The following AP4B1 variants were observed in gnomAD, a reference collection of about 807,000 sequenced individuals.
The protein encoded by AP4B1 is AP-4 complex subunit beta-1.
A neutral mutation model predicts 76.5 loss-of-function variants in AP4B1; 49 were observed. That is an observed-to-expected ratio of 0.64 (90% CI 0.51 to 0.81). AP4B1 has a LOEUF of 0.81. Among genes scored for constraint, AP4B1 ranks in the 40% least tolerant of loss-of-function variants. The pLI is 0.00. For missense variants in AP4B1, 911 were observed against 904.9 expected (o/e 1.01, Z -0.09); for synonymous variants, 330 against 333.3 (o/e 0.99, Z 0.11).
rs1222651089 is a variant in AP4B1, at chr1:113,895,914, C to T, written c.1635G>A (p.Leu545=). Residue 545 remains leucine, a synonymous_variant, in exon 9 of 10, where the codon TTG becomes TTA. Coordinates refer to ENST00000369569, the MANE Select transcript of AP4B1 (RefSeq NM_001253852.3). Reference sequence around the variant, plus strand: ...TCACAGGTCTTTCTGCCGGATCCTCCAAAAGTCCAAGAGTAGGGTCAGATT... The same window carrying T: ...TCACAGGTCTTTCTGCCGGATCCTCTAAAAGTCCAAGAGTAGGGTCAGATT... ...SPKSDPTLGL[L]EDPAERPVNS... 4 of 1,614,154 alleles carry T rather than the reference C, an allele frequency of 2.5e-6. No individual in the cohort carries two copies. Among genetic ancestry groups the T allele is most frequent in the Admixed American group, 3.3e-5 (2 of 60,022 alleles).
intron 5 of AP4B1, chr1:113,899,026 T>C (rs1010595196): frequency 4.5e-5 from 53 of 1,186,734 alleles, no homozygotes; most frequent in Non-Finnish European, 5.8e-5. Context: ...TGAAAGCTCA[T>C]AGCAAAACAA....
chr1:113,901,516 G>T, intron 3 of AP4B1, 133 bp from the exon 4 acceptor site: 3 of 1,214,502 alleles, frequency 2.5e-6, no homozygotes, highest in Non-Finnish European at 3.5e-6. Context: ...ACACTAAAGT[G>T]CAAGGCAAAA....
intron 7 of AP4B1, chr1:113,896,800 T>C: frequency 2.7e-6 from 1 of 374,262 alleles, no homozygotes; most frequent in Non-Finnish European, 4.9e-6. Flanking sequence ...TTCACAAAAA[T>C]GGTTACTAAC....
At chr1:113,900,750 T>C (rs754344247) in intron 4 of AP4B1, 72 of 307,858 alleles carry the variant, frequency 2.3e-4, no homozygotes, top group Non-Finnish European at 3.9e-4. Context: ...TCTATTTCCC[T>C]ATATCAATAA....
Position 113,901,844 on chromosome 1 carries a change from T to C in AP4B1, c.380A>G (p.Asn127Ser), listed in dbSNP as rs1374747147. Residue 127 changes from asparagine to serine, a missense_variant, in exon 3 of 10, where the codon AAT becomes AGT. By Grantham distance (46) the Asn-to-Ser change is conservative (BLOSUM62 1). Coordinates refer to ENST00000369569, the MANE Select transcript of AP4B1 (RefSeq NM_001253852.3). ...ATATGAAGCCTTATCCCGCAGACCA[T>C]TGAGAATAGGCTGTTGTATATACTC... Reference protein sequence around the residue: ...VQEYIQQPILNGLRDKASYVR... With the variant: ...VQEYIQQPILSGLRDKASYVR... 12 of 1,614,138 alleles carry C rather than the reference T, an allele frequency of 7.4e-6. No homozygotes were observed. The highest frequency in any genetic ancestry group is 2.2e-5 in the East Asian group (1 of 44,874).
chr1:113,899,017 G>A, intron 5 of AP4B1: 1 of 1,148,838 alleles, frequency 8.7e-7, no homozygotes, highest in Admixed American at 3.4e-5. Context: ...CTAGAAAACT[G>A]AAAGCTCATA....
intron 1 of AP4B1, among the ~76,000 whole-genome samples, chr1:113,903,900 G>A (rs1668623027): frequency 6.6e-6 from 1 of 152,158 alleles, no homozygotes; most frequent in Non-Finnish European, 1.5e-5. Context: ...ATCAGTCCCT[G>A]GACTGGATGA....
At position 113,901,900 on chromosome 1, in the gene AP4B1, C is replaced by T. The variant is rs529490243; in HGVS notation, c.339-15G>A. ...CACCAGGCATCCTAAGCAACACATCCTGGAGTTAGCCAGATTCTGAAATAC... is the reference window on the plus strand; with the variant it reads ...CACCAGGCATCCTAAGCAACACATCTTGGAGTTAGCCAGATTCTGAAATAC... On this transcript the variant is annotated splice_polypyrimidine_tract_variant and intron_variant, in intron 2 of 9. Transcript: ENST00000369569. 2.7e-4 allele frequency: 442 copies of T among 1,614,040 alleles called. 8 individuals carry two copies. The South Asian group carries it at 4.5e-3, about 16-fold the overall frequency.
intron 4 of AP4B1, chr1:113,900,872 C>T: frequency 3.3e-6 from 1 of 300,438 alleles, no homozygotes; most frequent in South Asian, 3.3e-5. Flanking sequence ...CTTTGGGAGG[C>T]TGAGGCGGGC....
chr1:113,899,892 G>A lies in AP4B1; in HGVS notation c.1114+12C>T, dbSNP rs1668000161. On this transcript the variant is annotated intron_variant, in intron 5 of 9. Coordinates refer to ENST00000369569, the MANE Select transcript of AP4B1 (RefSeq NM_001253852.3). The stretch of plus-strand genomic sequence containing the variant: ...TCTAGGTTCTCAAGAAGGAAAAGGA[G>A]CAGACACCTACCTATGGCAAAGATG... 1 of 1,614,012 alleles carries A rather than the reference G, an allele frequency of 6.2e-7. No individual in the cohort carries two copies. The highest frequency in any genetic ancestry group is 8.5e-7 in the Non-Finnish European group (1 of 1,180,030).
At chr1:113,903,866 C>T (rs150066260) in intron 1 of AP4B1, among the ~76,000 whole-genome samples, 2,550 of 152,246 alleles carry the variant, frequency 0.017, 31 homozygotes, top group Non-Finnish European at 0.026. Context: ...TTCCTGGGTT[C>T]CCTCCCACCC....
chr1:113,899,694 A>G (rs981478138), intron 5 of AP4B1: 10 of 710,838 alleles, frequency 1.4e-5, no homozygotes, highest in Non-Finnish European at 2.3e-5. Flanking sequence ...ATCCTGGAAG[A>G]TACAGCAACA....
intron 4 of AP4B1, 97 bp from the exon 5 acceptor site, chr1:113,900,497 A>G (rs1466337658): frequency 7.1e-7 from 1 of 1,404,786 alleles, no homozygotes. Flanking sequence ...CATCATAGCA[A>G]AGGGAGAATT....
At position 113,894,991 on chromosome 1, in the gene AP4B1, TG is replaced by T; in HGVS notation, c.*73del. 1 of 1,460,516 alleles carries T rather than the reference TG, an allele frequency of 6.8e-7. No homozygotes were observed. Among genetic ancestry groups the T allele is most frequent in the Non-Finnish European group, 9.4e-7 (1 of 1,066,064 alleles). 90.5% of individuals were successfully genotyped at this position (1,460,516 alleles called of 1,614,324 possible). On this transcript the variant is annotated 3_prime_UTR_variant, in exon 10 of 10. Coordinates refer to ENST00000369569, the MANE Select transcript of AP4B1 (RefSeq NM_001253852.3). ...TGTATCTGATATTATCTGGACTTAC[TG>T]GCAGCTCTAATAGGAAAGACTAAGA...
intron 4 of AP4B1, chr1:113,900,618 C>CT (rs1486861403): frequency 5.0e-6 from 3 of 600,172 alleles, no homozygotes; most frequent in Non-Finnish European, 8.7e-6. Flanking sequence ...GCACACTCCT[C>CT]TAAGACCAAA....
chr1:113,895,013 T>C lies in AP4B1; in HGVS notation c.*52A>G, dbSNP rs1198205568. On this transcript the variant is annotated 3_prime_UTR_variant, in exon 10 of 10. Coordinates refer to ENST00000369569, the MANE Select transcript of AP4B1 (RefSeq NM_001253852.3). ...TACTGGCAGCTCTAATAGGAAAGAC[T>C]AAGAAAGTGTAATAGTTATTCATCT... is the stretch of plus-strand genomic sequence containing the variant. 1.9e-6 allele frequency: 3 copies of C among 1,566,464 alleles called. No individual in the cohort carries two copies. The highest frequency in any genetic ancestry group is 2.7e-5 in the African/African-American group (2 of 73,476).
intron 6 of AP4B1, among the ~76,000 whole-genome samples, 163 bp downstream of exon 6, chr1:113,898,555 A>G (rs1433509859): frequency 1.3e-5 from 2 of 152,206 alleles, no homozygotes; most frequent in Non-Finnish European, 2.9e-5. Flanking sequence ...TCAATATCCT[A>G]TTAGATCTAT....
chr1:113,898,817 A>G lies in AP4B1; in HGVS notation c.1115-16T>C, dbSNP rs2101015835. On this transcript the variant is annotated splice_polypyrimidine_tract_variant and intron_variant, in intron 5 of 9. Coordinates refer to ENST00000369569, the MANE Select transcript of AP4B1 (RefSeq NM_001253852.3). ...GCAATGCCACCTACAAAAGAAGGGA[A>G]AGCAGAGAAAACTGCTAAGTGAAAT... 1 of 1,596,196 alleles carries G rather than the reference A, an allele frequency of 6.3e-7. No individual in the cohort carries two copies. The highest frequency in any genetic ancestry group is 8.5e-7 in the Non-Finnish European group (1 of 1,171,658).
rs770379674 is a variant in AP4B1 at position 113,902,840 on chromosome 1, T to C, written c.136A>G (p.Met46Val). ...ACCATTTCCATAAAAACACCAGACA[T>C]GTCCAAGCCTTGAGTCATGTACCTG... The part of the protein sequence containing the change: ...VIRYMTQGLD[M>V]SGVFMEMVKA... Residue 46 changes from methionine (M) to valine (V), a missense_variant, in exon 2 of 10, where the codon ATG (methionine) becomes GTG (valine). Coordinates refer to ENST00000369569, the MANE Select transcript of AP4B1 (RefSeq NM_001253852.3). 5.0e-6 allele frequency: 8 copies of C among 1,614,036 alleles called. No homozygotes were observed. In the African/African-American group the frequency reaches 5.3e-5, roughly 11 times the overall value.
Sources: gnomAD v4.1 joint callset for allele counts (sites outside exome capture counted in the v4.1 genomes callset) on GRCh38, gnomAD v4.1.1 for gene constraint, MANE v1.5 for transcripts, NCBI Gene and HGNC (gene_info 2026-07-23, HGNC 2026-07-21) for gene names.